The following MSI2 variants were observed in gnomAD, a reference collection of about 807,000 sequenced individuals.
MSI2 encodes the protein RNA-binding protein Musashi homolog 2.
A neutral mutation model predicts 45.6 loss-of-function variants in MSI2; 17 were observed. The ratio of observed to expected loss-of-function variants is 0.37; its 90% CI spans 0.26 to 0.56. The LOEUF (loss-of-function observed/expected upper bound fraction) is 0.56. Ranked by LOEUF, MSI2 falls within the 20% of genes least tolerant of loss-of-function variation. The pLI is 0.77. For synonymous variants in MSI2, 156 were observed against 158.2 expected (o/e 0.99, Z 0.11); for missense variants, 293 against 444.2 (o/e 0.66, Z 3.06).
chr17:57,671,499 T>A (rs555297476), intron 11 of MSI2: 1 of 152,232 alleles, frequency 6.6e-6, no homozygotes, highest in African/African-American at 2.4e-5. Context: ...TCTCCGTGCC[T>A]GGGGAAAGGC....
At chr17:57,589,467 G>A (rs909546052) in intron 7 of MSI2, among the ~76,000 whole-genome samples, 4 of 152,208 alleles carry the variant, frequency 2.6e-5, no homozygotes, top group African/African-American at 9.6e-5. Context: ...GACCTTCCAA[G>A]TTTAGGGTTG....
At chr17:57,403,933 GCACA>G (rs58718271) in intron 6 of MSI2, among the ~76,000 whole-genome samples, 17,231 of 148,962 alleles carry the variant, frequency 0.12, 1,025 homozygotes, top group Middle Eastern at 0.2. Context: ...GAATGAATGT[GCACA>G]CACACACACA....
chr17:57,622,826 T>C (rs914226893), intron 9 of MSI2, among the ~76,000 whole-genome samples: 6 of 152,202 alleles, frequency 3.9e-5, no homozygotes, highest in African/African-American at 1.2e-4. Flanking sequence ...CTCAAGGAAG[T>C]GTTCCTTTGT....
chr17:57,617,381 A>G lies in MSI2; in HGVS notation c.652+1297A>G, dbSNP rs10438766. 9.2e-3 allele frequency among the ~76,000 whole-genome samples: 1,408 copies of G among 152,326 alleles called. 15 individuals carry two copies. The highest frequency in any genetic ancestry group is 0.032 in the African/African-American group (1,321 of 41,570). The stretch of plus-strand genomic sequence containing the variant: ...TTTTTAAAAAGAGGAATGAGAAAAG[A>G]CCAACAGTGAGAATGTAACACAAAG... On this transcript the variant is annotated intron_variant, in intron 9 of 13. Coordinates refer to ENST00000284073, the MANE Select transcript of MSI2 (RefSeq NM_138962.4).
At chr17:57,264,516 C>T (rs1475500978) in intron 5 of MSI2, 2 of 152,176 alleles carry the variant, frequency 1.3e-5, no homozygotes, top group Non-Finnish European at 2.9e-5. Context: ...CCTGGCCAAC[C>T]TGCTATTTTT....
chr17:57,637,329 A>G (rs1330593850), intron 10 of MSI2, among the ~76,000 whole-genome samples: 1 of 152,260 alleles, frequency 6.6e-6, no homozygotes, highest in African/African-American at 2.4e-5. Context: ...GGCTGTGGAT[A>G]TGTTGCCACG....
chr17:57,368,834 G>A (rs1480623436), intron 5 of MSI2, among the ~76,000 whole-genome samples: 2 of 152,214 alleles, frequency 1.3e-5, no homozygotes, highest in African/African-American at 4.8e-5. Context: ...TTCAAGACAA[G>A]TGGTTTTCTT....
chr17:57,557,473 A>G (rs1259621552), intron 7 of MSI2, among the ~76,000 whole-genome samples: 1 of 152,238 alleles, frequency 6.6e-6, no homozygotes, highest in Admixed American at 6.5e-5. Context: ...TGAATTTGGC[A>G]ATGCCATCAC....
At chr17:57,374,936 A>G (rs1252495688) in intron 5 of MSI2, among the ~76,000 whole-genome samples, 1 of 152,176 alleles carries the variant, frequency 6.6e-6, no homozygotes, top group Non-Finnish European at 1.5e-5. Flanking sequence ...CTTGGTTTCC[A>G]TCTCTTCAGC....
intron 5 of MSI2, among the ~76,000 whole-genome samples, chr17:57,329,260 C>T (rs1212180896): frequency 6.6e-6 from 1 of 152,178 alleles, no homozygotes; most frequent in Non-Finnish European, 1.5e-5. Flanking sequence ...AGGTTTTTAG[C>T]ACCTTCAATT....
chr17:57,556,224 C>T (rs1361492630), intron 7 of MSI2, among the ~76,000 whole-genome samples: 1 of 152,124 alleles, frequency 6.6e-6, no homozygotes, highest in East Asian at 1.9e-4. Context: ...GGAGCTTGCC[C>T]TAAAAGGAAA....
intron 5 of MSI2, among the ~76,000 whole-genome samples, chr17:57,286,448 C>T (rs1235748446): frequency 6.6e-6 from 1 of 152,130 alleles, no homozygotes; most frequent in Non-Finnish European, 1.5e-5. Context: ...TGCTCATCAT[C>T]GAGTCCTGGC....
intron 7 of MSI2, among the ~76,000 whole-genome samples, chr17:57,575,147 T>TCCCCCCCCCCCCCCC (rs371180511): frequency 2.8e-4 from 33 of 119,524 alleles, no homozygotes; most frequent in African/African-American, 5.1e-4. Context: ...CTTTTTTAAC[T>TCCCCCCCCCCCCCCC]CCCTCCCCCC....
intron 5 of MSI2, among the ~76,000 whole-genome samples, chr17:57,382,967 A>G (rs750666818): frequency 6.6e-6 from 1 of 152,126 alleles, no homozygotes; most frequent in Non-Finnish European, 1.5e-5. Flanking sequence ...GAACATGTTC[A>G]TTTGCCCTGG....
At chr17:57,701,041 C>T in the MSI2 span, among the ~76,000 whole-genome samples, 1 of 152,118 alleles carries the variant, frequency 6.6e-6, no homozygotes, top group Non-Finnish European at 1.5e-5. Context: ...GGAAAAGGCC[C>T]AAGAGCCCCA....
At chr17:57,551,682 A>G (rs1390798598) in intron 7 of MSI2, among the ~76,000 whole-genome samples, 1 of 151,844 alleles carries the variant, frequency 6.6e-6, no homozygotes, top group African/African-American at 2.4e-5. Flanking sequence ...CTTAGCTTTC[A>G]AGTGCAGGTG....
At chr17:57,277,205 G>A (rs1461613360) in intron 5 of MSI2, among the ~76,000 whole-genome samples, 4 of 151,802 alleles carry the variant, frequency 2.6e-5, no homozygotes, top group African/African-American at 7.3e-5. Context: ...ACAGGTACCC[G>A]CCACCACACC....
At chr17:57,510,056 C>T (rs187542263) in intron 6 of MSI2, among the ~76,000 whole-genome samples, 6 of 152,122 alleles carry the variant, frequency 3.9e-5, no homozygotes, top group Non-Finnish European at 7.4e-5. Flanking sequence ...GGGCCTGCCA[C>T]GTATTTGTTG....
At chr17:57,506,086 A>G (rs1238141452) in intron 6 of MSI2, among the ~76,000 whole-genome samples, 1 of 152,200 alleles carries the variant, frequency 6.6e-6, no homozygotes, top group African/African-American at 2.4e-5. Flanking sequence ...GGCACTTACA[A>G]AAGGACAGTG....
Sources: gnomAD v4.1 joint callset for allele counts (sites outside exome capture counted in the v4.1 genomes callset) on GRCh38, gnomAD v4.1.1 for gene constraint, MANE v1.5 for transcripts, NCBI Gene and HGNC (gene_info 2026-07-23, HGNC 2026-07-21) for gene names.